SLC48A1: variants seen among roughly 807,000 people sequenced by gnomAD.
SLC48A1 encodes the protein heme transporter HRG1.
A neutral mutation model predicts 14.8 loss-of-function variants in SLC48A1; 6 were observed. That is an observed-to-expected ratio of 0.41 (90% CI 0.22 to 0.80). SLC48A1 has a LOEUF of 0.80. Ranked by LOEUF, SLC48A1 falls within the 30% of genes least tolerant of loss-of-function variation. SLC48A1 has a pLI of 0.34. For synonymous variants in SLC48A1, 89 were observed against 90.0 expected, an observed-to-expected ratio of 0.99 and a Z score of 0.06; for missense variants, 165 against 204.8, an observed-to-expected ratio of 0.81 and a Z score of 1.19.
At chr12:47,766,664 C>T (rs1435152725), upstream of SLC48A1, among the ~76,000 whole-genome samples, 1 of 152,048 alleles carries the variant, frequency 6.6e-6, no homozygotes. Context: ...CTCCCCCTGA[C>T]CCCCCAGGCC....
chr12:47,762,966 G>C (rs1942420092), intron 2 of SLC48A1, among the ~76,000 whole-genome samples: 1 of 152,184 alleles, frequency 6.6e-6, no homozygotes, highest in South Asian at 2.1e-4. Flanking sequence ...CAGGGCCCCA[G>C]AGCCTATTGG....
chr12:47,772,228 T>C (rs1942642033), upstream of SLC48A1: 1 of 154,828 alleles, frequency 6.5e-6, no homozygotes, highest in Non-Finnish European at 1.5e-5. Context: ...CTTGTTATTG[T>C]GCTGGGATTT....
At chr12:47,774,607 C>T (rs78192297) in intron 1 of SLC48A1, among the ~76,000 whole-genome samples, 2 of 152,318 alleles carry the variant, frequency 1.3e-5, no homozygotes, top group East Asian at 3.9e-4. Context: ...TACTCACTGC[C>T]ACAGGGAGTG....
upstream of SLC48A1, chr12:47,758,126 G>A (rs760255615): frequency 2.3e-5 from 35 of 1,529,662 alleles, no homozygotes; most frequent in East Asian, 1.2e-4. Context: ...CGACTGGGGC[G>A]GCTGGGCCAC....
At chr12:47,757,766 C>T, upstream of SLC48A1, 1 of 1,205,212 alleles carries the variant, frequency 8.3e-7, no homozygotes. Flanking sequence ...TGTACACCCC[C>T]AGAGCAAGCT....
rs866483787 is a variant in SLC48A1, at chr12:47,764,596, G to A, written c.-187+4195G>A. ...TCAGGCTGGATCCAGAGCACTGGCT[G>A]GGGCAGGGGGAGGATGTGGGTAACC... On this transcript the variant is annotated intron_variant, in intron 2 of 4. Coordinates refer to the SLC48A1 transcript ENST00000547002. 4.1e-4 allele frequency among the ~76,000 whole-genome samples: 63 copies of A among 152,320 alleles called. 1 individual carries two copies. The highest frequency in any genetic ancestry group is 1.5e-3 in the African/African-American group (62 of 41,578).
chr12:47,758,956 G>T, intron 1 of SLC48A1: 2 of 1,015,566 alleles, frequency 2.0e-6, no homozygotes, highest in Non-Finnish European at 2.4e-6. Flanking sequence ...TGGCGGAGGG[G>T]GCGGGGTGGA....
intron 1 of SLC48A1, chr12:47,778,759 T>G (rs990022546): frequency 2.4e-6 from 1 of 412,656 alleles, no homozygotes; most frequent in African/African-American, 2.0e-5. Flanking sequence ...TTGTGAGAGA[T>G]ATTCATGTTT....
At chr12:47,758,211 C>A, upstream of SLC48A1, 1 of 1,439,670 alleles carries the variant, frequency 6.9e-7, no homozygotes, top group Non-Finnish European at 9.1e-7. Flanking sequence ...GCAACCCTGC[C>A]AGGAGCTGGG....
In SLC48A1 at chr12:47,780,951, T is replaced by C. The variant is rs770566929; in HGVS notation, c.*670T>C. 2 of 532,760 alleles carry C rather than the reference T, an allele frequency of 3.8e-6. No homozygotes were observed. The highest frequency in any genetic ancestry group is 5.5e-5 in the East Asian group (1 of 18,346). 33.0% of individuals were successfully genotyped at this position (532,760 alleles called of 1,614,324 possible). On this transcript the variant is annotated 3_prime_UTR_variant, in exon 3 of 3. Coordinates refer to ENST00000442218, the MANE Select transcript of SLC48A1 (RefSeq NM_017842.3). Reference sequence around the variant, plus strand: ...GTCAAGAGGTCAAGGTGTAGGGCCATGAGGCCTGGACCTATGCTGCAGGCA... The same window carrying C: ...GTCAAGAGGTCAAGGTGTAGGGCCACGAGGCCTGGACCTATGCTGCAGGCA...
At chr12:47,770,997 T>C (rs1383761660), upstream of SLC48A1, 7 of 451,560 alleles carry the variant, frequency 1.6e-5, no homozygotes, top group Non-Finnish European at 2.7e-5. Flanking sequence ...TGCTCCCTCC[T>C]CCACAGGACC....
At chr12:47,758,116 C>G, upstream of SLC48A1, 6 of 1,535,648 alleles carry the variant, frequency 3.9e-6, no homozygotes, top group Non-Finnish European at 5.3e-6. Context: ...CCATGGGACA[C>G]GACTGGGGCG....
In SLC48A1 at chr12:47,760,274, G is replaced by A. The variant is rs1339575900; in HGVS notation, c.-314G>A. 3 of 985,450 alleles carry A rather than the reference G, an allele frequency of 3.0e-6. No homozygotes were observed. The East Asian group carries it at 3.4e-4, about 112-fold the overall frequency. The allele number at this position is 985,450 out of a possible 1,614,324, so 61.0% of individuals were successfully genotyped here. A position where few individuals can be genotyped will look rare whatever the true frequency, so the allele number is the denominator to read the frequency against. On this transcript the variant is annotated 5_prime_UTR_variant, in exon 2 of 5. Coordinates refer to the SLC48A1 transcript ENST00000547002. The stretch of plus-strand genomic sequence containing the variant: ...GGTGGAGTTTTAAATGCCTCTCCGG[G>A]GAAGGAGGAAAGCCTGAGAATGAAT...
chr12:47,778,957 A>G (rs1942806002), intron 1 of SLC48A1, 71 bp from the exon 2 acceptor site: 1 of 1,442,962 alleles, frequency 6.9e-7, no homozygotes, highest in Non-Finnish European at 9.3e-7. Flanking sequence ...TTATGCAAAT[A>G]GGCCTGGTCT....
chr12:47,757,913 G>T (rs1326752370), upstream of SLC48A1: 9 of 1,556,922 alleles, frequency 5.8e-6, no homozygotes, highest in Non-Finnish European at 7.0e-6. Context: ...TCCAGCAGCA[G>T]CTGGTAGGAG....
At chr12:47,763,966 G>C (rs1380675860) in intron 2 of SLC48A1, among the ~76,000 whole-genome samples, 1 of 152,220 alleles carries the variant, frequency 6.6e-6, no homozygotes, top group Non-Finnish European at 1.5e-5. Context: ...TGGTGATGCT[G>C]GGCTGGAGGG....
In SLC48A1 at chr12:47,779,212, G is replaced by C. The variant is rs1317933565; in HGVS notation, c.304+17G>C. 14 of 1,546,358 alleles carry C rather than the reference G, an allele frequency of 9.1e-6. No individual in the cohort carries two copies. Among genetic ancestry groups the C allele is most frequent in the African/African-American group, 1.4e-5 (1 of 72,854 alleles). On this transcript the variant is annotated intron_variant, in intron 2 of 2. Transcript: ENST00000442218. ...GGCATCAGAGTGAGGGCGGGTCCCA[G>C]GGAAAGAGGGCATGGGAGGGACAGC... is the stretch of plus-strand genomic sequence containing the variant.
chr12:47,776,527 G>A (rs565988822), intron 1 of SLC48A1, among the ~76,000 whole-genome samples: 1 of 152,336 alleles, frequency 6.6e-6, no homozygotes, highest in African/African-American at 2.4e-5. Flanking sequence ...GGCTGGTGGA[G>A]AGCTCCCTTC....
In SLC48A1 at chr12:47,779,583, G is replaced by A. The variant is rs150665789; in HGVS notation, c.304+388G>A. ...GGCCTAGGGTATTTGTCACAAAAGC[G>A]GAGTGGATGATACAGACCTGTGATT... On this transcript the variant is annotated intron_variant, in intron 2 of 2. Coordinates refer to ENST00000442218, the MANE Select transcript of SLC48A1 (RefSeq NM_017842.3). Among the ~76,000 whole-genome samples the A allele has an allele frequency of 2.4e-3, 359 of 152,308 alleles. 3 individuals are homozygous for A. The highest frequency in any genetic ancestry group is 7.3e-3 in the African/African-American group (305 of 41,556).
Sources: allele counts gnomAD v4.1 joint callset (sites outside exome capture counted in the v4.1 genomes callset), GRCh38; gene constraint gnomAD v4.1.1; transcripts MANE v1.5; gene names NCBI Gene and HGNC (gene_info 2026-07-23, HGNC 2026-07-21).